Variants in TBC1D14 observed in about 807,000 individuals in gnomAD.
TBC1D14 encodes TBC1 domain family, member 14.
Under a neutral mutation model 79.0 loss-of-function variants are expected in TBC1D14, and 26 were observed. The observed-to-expected ratio is 0.33, with a 90% CI of 0.24 to 0.46. TBC1D14 has a LOEUF of 0.46. TBC1D14 is among the 20% of genes least tolerant of loss of function. TBC1D14 has a pLI of 1.00. For synonymous variants in TBC1D14, 394 were observed against 349.9 expected (o/e 1.13, Z -1.40); for missense variants, 769 against 887.6 (o/e 0.87, Z 1.70).
intron 9 of TBC1D14, among the ~76,000 whole-genome samples, 163 bp from the exon 10 acceptor site, chr4:7,009,714 G>C (rs774708558): frequency 3.9e-5 from 6 of 152,190 alleles, no homozygotes; most frequent in Admixed American, 6.5e-5. Flanking sequence ...TGGGTAATTT[G>C]TTAAATTCCA....
intron 2 of TBC1D14, among the ~76,000 whole-genome samples, chr4:6,935,218 A>G (rs908872903): frequency 4.6e-5 from 7 of 152,060 alleles, no homozygotes; most frequent in Admixed American, 1.3e-4. Flanking sequence ...TGGAGGCAGA[A>G]GTGGTGTGAT....
intron 12 of TBC1D14, among the ~76,000 whole-genome samples, chr4:7,024,224 C>T (rs927728594): frequency 6.6e-6 from 1 of 152,226 alleles, no homozygotes; most frequent in African/African-American, 2.4e-5. Context: ...AGTGGCCTGA[C>T]CTCCTGACCG....
intron 2 of TBC1D14, among the ~76,000 whole-genome samples, chr4:6,925,598 C>T (rs1247040100): frequency 1.3e-5 from 2 of 152,136 alleles, no homozygotes; most frequent in Non-Finnish European, 1.5e-5. Flanking sequence ...GTGGTTTTGT[C>T]GGGAAACTTT....
rs368426774 is a variant in TBC1D14 at position 6,923,801 on chromosome 4, G to A, written c.412G>A (p.Val138Ile). ...STFPRTGYDS[V>I]KLYSPTSKAL... ...GTTTCCCAGGACAGGCTATGACTCG[G>A]TAAAGCTCTATAGCCCGACCTCCAA... Residue 138 changes from valine to isoleucine, a missense_variant, in exon 2 of 14, where the codon GTA becomes ATA. By Grantham distance (29) the Val-to-Ile change is conservative (BLOSUM62 3). Transcript: ENST00000409757. 3.1e-6 allele frequency: 5 copies of A among 1,614,052 alleles called. No homozygotes were observed. The highest frequency in any genetic ancestry group is 4.2e-6 in the Non-Finnish European group (5 of 1,180,054).
chr4:6,994,208 C>G lies in TBC1D14; in HGVS notation c.868C>G (p.Pro290Ala). 1 of 1,614,200 alleles carries G rather than the reference C, an allele frequency of 6.2e-7. No homozygotes were observed. The highest frequency in any genetic ancestry group is 8.5e-7 in the Non-Finnish European group (1 of 1,180,038). ...GGAATATGAAGACAAGGCTGGAAGA[C>G]CTAGCAAGCCACCCTCTCCAAAGCA... ...QKEYEDKAGR[P>A]SKPPSPKQNV... is the part of the protein sequence containing the mutation. The change falls in exon 4 of 14, where the codon CCT (proline) becomes GCT (alanine). Residue 290 changes from proline (P) to alanine (A), a missense_variant. Pro to Ala is a conservative substitution (Grantham distance 27, BLOSUM62 -1). Coordinates refer to ENST00000409757, the MANE Select transcript of TBC1D14 (RefSeq NM_020773.3).
Position 6,983,290 on chromosome 4 carries a change from A to T in TBC1D14, c.844-10894A>T, listed in dbSNP as rs564479436. On this transcript the variant is annotated intron_variant, in intron 3 of 13. Coordinates refer to ENST00000409757, the MANE Select transcript of TBC1D14 (RefSeq NM_020773.3). ...CCCGGCCTTTAAAATATATATATATATTTTTAATGTGTAGAATGACAGAAA... is the reference window on the plus strand; with the variant it reads ...CCCGGCCTTTAAAATATATATATATTTTTTTAATGTGTAGAATGACAGAAA... Among the ~76,000 whole-genome samples the T allele has an allele frequency of 3.6e-4, 55 of 152,172 alleles. 1 individual carries two copies. In the South Asian group the frequency reaches 8.9e-3, roughly 25 times the overall value.
intron 2 of TBC1D14, among the ~76,000 whole-genome samples, chr4:6,963,595 C>T (rs777705430): frequency 2.0e-4 from 31 of 152,336 alleles, no homozygotes; most frequent in Non-Finnish European, 4.0e-4. Flanking sequence ...CCAGGACTCC[C>T]GATGGCTTGC....
chr4:6,922,941 C>T (rs951795212), intron 1 of TBC1D14, among the ~76,000 whole-genome samples: 1 of 152,150 alleles, frequency 6.6e-6, no homozygotes, highest in African/African-American at 2.4e-5. Context: ...TGGCTCATGC[C>T]CAAAATCCCA....
At chr4:6,917,023 C>T (rs1346305447) in intron 1 of TBC1D14, among the ~76,000 whole-genome samples, 1 of 152,206 alleles carries the variant, frequency 6.6e-6, no homozygotes, top group East Asian at 1.9e-4. Context: ...CGTTCCTCAC[C>T]ATCTGGTCTA....
intron 2 of TBC1D14, among the ~76,000 whole-genome samples, chr4:6,959,084 A>G (rs1290277971): frequency 1.3e-5 from 2 of 150,816 alleles, no homozygotes; most frequent in Admixed American, 1.3e-4. Context: ...GCGGGGTTTC[A>G]CCGTTTTAGC....
chr4:7,010,486 T>C (rs560264430), intron 10 of TBC1D14, among the ~76,000 whole-genome samples, 167 bp from the exon 11 acceptor site: 2 of 151,564 alleles, frequency 1.3e-5, no homozygotes, highest in Non-Finnish European at 2.9e-5. Flanking sequence ...GGTGGCAGAG[T>C]GGTGGTTCTG....
intron 2 of TBC1D14, among the ~76,000 whole-genome samples, chr4:6,958,810 A>C (rs2109023993): frequency 6.6e-6 from 1 of 152,120 alleles, no homozygotes; most frequent in African/African-American, 2.4e-5. Context: ...CGAAAGCCGG[A>C]CACTCCTCTT....
intron 1 of TBC1D14, among the ~76,000 whole-genome samples, chr4:6,919,426 G>A (rs1018306260): frequency 6.6e-5 from 10 of 152,166 alleles, no homozygotes; most frequent in Middle Eastern, 3.4e-3. Context: ...GATTACTGGC[G>A]TGAGCCACCA....
intron 3 of TBC1D14, among the ~76,000 whole-genome samples, chr4:6,989,290 G>T (rs937073108): frequency 6.6e-6 from 1 of 152,028 alleles, no homozygotes; most frequent in Non-Finnish European, 1.5e-5. Flanking sequence ...CTCTCCTGGG[G>T]CTTGTCCCAG....
chr4:6,979,216 A>G (rs1717133045), intron 3 of TBC1D14, among the ~76,000 whole-genome samples: 1 of 152,190 alleles, frequency 6.6e-6, no homozygotes, highest in Non-Finnish European at 1.5e-5. Context: ...AAAAAAGAGA[A>G]AACAAATGAG....
intron 2 of TBC1D14, among the ~76,000 whole-genome samples, chr4:6,924,955 G>A (rs948965356): frequency 4.6e-5 from 7 of 152,252 alleles, no homozygotes; most frequent in African/African-American, 1.4e-4. Flanking sequence ...GAACGGTGGC[G>A]TGCTGGGAGG....
intron 9 of TBC1D14, chr4:7,007,645 A>C (rs1720338122): frequency 7.8e-7 from 1 of 1,274,152 alleles, no homozygotes; most frequent in Non-Finnish European, 1.0e-6. Context: ...CCCAGCGAGC[A>C]CCCCACTGGC....
chr4:6,986,894 G>T (rs749017872), intron 3 of TBC1D14, among the ~76,000 whole-genome samples: 11 of 152,214 alleles, frequency 7.2e-5, no homozygotes, highest in Non-Finnish European at 1.5e-4. Flanking sequence ...ACGGTAGCCC[G>T]TAAAAACTGC....
intron 7 of TBC1D14, among the ~76,000 whole-genome samples, 166 bp from the exon 8 acceptor site, chr4:7,004,678 T>C (rs1481085135): frequency 6.6e-6 from 1 of 152,254 alleles, no homozygotes; most frequent in Non-Finnish European, 1.5e-5. Context: ...ACAATAAAAT[T>C]ACTTTCAGGC....
Sources: gnomAD v4.1 joint callset for allele counts (sites outside exome capture counted in the v4.1 genomes callset) on GRCh38, gnomAD v4.1.1 for gene constraint, MANE v1.5 for transcripts, NCBI Gene and HGNC (gene_info 2026-07-23, HGNC 2026-07-21) for gene names.